The following NDOR1 variants were observed in gnomAD, a reference collection of about 807,000 sequenced individuals.
NDOR1 encodes the protein NADPH dependent diflavin oxidoreductase 1.
Under a neutral mutation model 67.2 loss-of-function variants are expected in NDOR1, and 61 were observed. The ratio of observed to expected loss-of-function variants is 0.91; its 90% CI spans 0.74 to 1.12. The LOEUF (loss-of-function observed/expected upper bound fraction) is 1.12. Ranked by LOEUF, NDOR1 falls within the 50% of genes most tolerant of loss-of-function variation. NDOR1 has a pLI of 0.00. For synonymous variants in NDOR1, 378 were observed against 343.7 expected (o/e 1.10, Z -1.10); for missense variants, 878 against 802.8 (o/e 1.09, Z -1.13).
At chr9:137,215,560 T>G (rs754775107) in intron 10 of NDOR1, 39 bp downstream of exon 10, 1 of 1,610,608 alleles carries the variant, frequency 6.2e-7, no homozygotes, top group East Asian at 2.2e-5. Flanking sequence ...TGGGCCCATA[T>G]CCCCTTCTCT....
chr9:137,209,668 G>A (rs1025747687), intron 2 of NDOR1, among the ~76,000 whole-genome samples: 6 of 152,200 alleles, frequency 3.9e-5, no homozygotes, highest in Admixed American at 3.3e-4. Context: ...CATCCACAGC[G>A]AAACAGGAAG....
intron 2 of NDOR1, among the ~76,000 whole-genome samples, chr9:137,207,718 G>C (rs1449272996): frequency 6.6e-6 from 1 of 152,182 alleles, no homozygotes; most frequent in African/African-American, 2.4e-5. Context: ...GCCTGAGAGG[G>C]ATCCATGGGA....
chr9:137,208,422 G>C (rs1477940867), intron 2 of NDOR1, among the ~76,000 whole-genome samples: 1 of 152,108 alleles, frequency 6.6e-6, no homozygotes, highest in African/African-American at 2.4e-5. Context: ...CTGCACTCCA[G>C]CCTGGGCGAC....
intron 10 of NDOR1, 62 bp from the exon 11 acceptor site, chr9:137,215,597 G>A (rs1835529778): frequency 6.2e-7 from 1 of 1,604,112 alleles, no homozygotes; most frequent in Non-Finnish European, 8.5e-7. Flanking sequence ...TGCTGGGCTA[G>A]GGCCCCAGCA....
chr9:137,214,043 C>G lies in NDOR1; in HGVS notation c.487C>G (p.Leu163Val). 1.3e-6 allele frequency: 2 copies of G among 1,544,324 alleles called. No homozygotes were observed. The highest frequency in any genetic ancestry group is 8.7e-7 in the Non-Finnish European group (1 of 1,147,908). ...VLGLYPPPPG[L>V]TEIPPGVPLP... ...GGGGCTGTACCCGCCGCCTCCGGGCCTCACTGAGATCCCTCCCGGAGTCCC... is the reference window on the plus strand; with the variant it reads ...GGGGCTGTACCCGCCGCCTCCGGGCGTCACTGAGATCCCTCCCGGAGTCCC... Residue 163 changes from leucine to valine, a missense_variant, in exon 5 of 14, where the codon CTC (leucine) becomes GTC (valine). Leu to Val is a conservative substitution (Grantham distance 32). Coordinates refer to ENST00000684003, the MANE Select transcript of NDOR1 (RefSeq NM_014434.4).
Position 137,216,142 on chromosome 9 carries a change from G to A in NDOR1, c.1603G>A (p.Val535Met), listed in dbSNP as rs764812385. The A allele has an allele frequency of 9.9e-6, 16 of 1,613,634 alleles. No homozygotes were observed. Among genetic ancestry groups the A allele is most frequent in the Admixed American group, 1.7e-5 (1 of 60,036 alleles). ...QHRLRELGSL[V>M]WELLDRQGAY... ...CCGGCTCCGGGAGCTGGGGTCGCTT[G>A]TGTGGGAACTGCTGGACCGCCAGGG... The change falls in exon 13 of 14, where the codon GTG becomes ATG. Residue 535 changes from valine to methionine, a missense_variant. Coordinates refer to ENST00000684003, the MANE Select transcript of NDOR1 (RefSeq NM_014434.4).
rs901067414 is a variant in NDOR1 at position 137,206,216 on chromosome 9, G to C, written c.136-16G>C. The C allele has an allele frequency of 3.1e-6, 5 of 1,613,996 alleles. No individual in the cohort carries two copies. Among genetic ancestry groups the C allele is most frequent in the Non-Finnish European group, 4.2e-6 (5 of 1,179,964 alleles). On this transcript the variant is annotated splice_polypyrimidine_tract_variant and intron_variant, in intron 1 of 13. Transcript: ENST00000684003. Reference sequence around the variant, plus strand: ...TTACAGCCGGAGGTCTTACGTGTGTGTGTCTTTTTGTTGAGGTGAATCTGA... The same window carrying C: ...TTACAGCCGGAGGTCTTACGTGTGTCTGTCTTTTTGTTGAGGTGAATCTGA...
At position 137,214,442 on chromosome 9, in the gene NDOR1, A is replaced by G. The variant is rs371399787; in HGVS notation, c.722+29A>G. 2.3e-5 allele frequency: 36 copies of G among 1,590,400 alleles called. No homozygotes were observed. In the African/African-American group the frequency reaches 4.7e-4, roughly 21 times the overall value. On this transcript the variant is annotated intron_variant, in intron 6 of 13. Coordinates refer to ENST00000684003, the MANE Select transcript of NDOR1 (RefSeq NM_014434.4). ...GGGACTGCTGGGGACCGAGGAGGGCAAGGTGAGGTGGGCCGTGGGTCTGGG... is the reference window on the plus strand; with the variant it reads ...GGGACTGCTGGGGACCGAGGAGGGCGAGGTGAGGTGGGCCGTGGGTCTGGG...
chr9:137,206,665 G>A (rs969037602), intron 2 of NDOR1, among the ~76,000 whole-genome samples: 4 of 152,116 alleles, frequency 2.6e-5, no homozygotes, highest in African/African-American at 9.7e-5. Flanking sequence ...GCACAGTCTG[G>A]TGCTGGGGAT....
intron 2 of NDOR1, among the ~76,000 whole-genome samples, chr9:137,208,430 G>A (rs1444093480): frequency 6.6e-6 from 1 of 151,828 alleles, no homozygotes; most frequent in Non-Finnish European, 1.5e-5. Flanking sequence ...CAGCCTGGGC[G>A]ACAGAGCGAG....
In NDOR1 at chr9:137,216,347, C is replaced by T. The variant is rs747138314; in HGVS notation, c.1725C>T (p.Ser575=). 7 of 1,610,016 alleles carry T rather than the reference C, an allele frequency of 4.3e-6. No homozygotes were observed. The highest frequency in any genetic ancestry group is 5.1e-6 in the Non-Finnish European group (6 of 1,179,972). The change falls in exon 14 of 14, where the codon AGC becomes AGT. Residue 575 remains serine (S), a synonymous_variant. Transcript: ENST00000684003. The stretch of plus-strand genomic sequence containing the variant: ...TCCAGGAGGAGGGTGGACTCTGCAG[C>T]CCGGACGCAGCCGCGTATCTAGCCA... The part of the protein sequence containing the change: ...SIFQEEGGLC[S]PDAAAYLARL...
Position 137,218,970 on chromosome 9 carries a change from C to G in NDOR1, c.*2554C>G, listed in dbSNP as rs144686633. 5.4e-3 allele frequency: 1,236 copies of G among 229,146 alleles called. 14 individuals carry two copies. The highest frequency in any genetic ancestry group is 0.026 in the African/African-American group (1,149 of 44,374). 14.2% of individuals were successfully genotyped at this position (229,146 alleles called of 1,614,324 possible). On this transcript the variant is annotated 3_prime_UTR_variant, in exon 14 of 14. Transcript: ENST00000684003. ...GCTGACGCCGGCCACACTTCCCCTC[C>G]GAGGGCCAGCTGAGCACAGCAGGCA...
intron 8 of NDOR1, 37 bp downstream of exon 8, chr9:137,215,055 A>ACAGCCACGCTG (rs1835481201): frequency 6.2e-7 from 1 of 1,612,588 alleles, no homozygotes; most frequent in South Asian, 1.1e-5. Flanking sequence ...CCCCTGAGCT[A>ACAGCCACGCTG]CAGCCACGCT....
In NDOR1 at chr9:137,208,406, G is replaced by A. The variant is rs1404003755; in HGVS notation, c.213+2097G>A. Among the ~76,000 whole-genome samples, 10 of 152,102 alleles carry A rather than the reference G, an allele frequency of 6.6e-5. No homozygotes were observed. In the East Asian group the frequency reaches 9.7e-4, roughly 15 times the overall value. ...GCGGAACTTGCAGTGAGCCGAGATC[G>A]CGCCACTGCACTCCAGCCTGGGCGA... On this transcript the variant is annotated intron_variant, in intron 2 of 13. Transcript: ENST00000684003.
In NDOR1 at chr9:137,212,620, T is replaced by C. The variant is rs368620084; in HGVS notation, c.311+21T>C. The C allele has an allele frequency of 6.3e-7, 1 of 1,599,270 alleles. No individual in the cohort carries two copies. Among genetic ancestry groups the C allele is most frequent in the South Asian group, 1.1e-5 (1 of 90,772 alleles). On this transcript the variant is annotated intron_variant, in intron 3 of 13. Coordinates refer to ENST00000684003, the MANE Select transcript of NDOR1 (RefSeq NM_014434.4). This position sits in a 1 kb window ranked among gnomAD's most constrained non-coding sequence, Gnocchi z 4.3. ...GCCAAGTGAGTAGGGGATGGGACAG[T>C]GGGCGGACGGAACAGTTCTGGGGGT...
Position 137,216,535 on chromosome 9 carries a change from G to GA in NDOR1, c.*119_*120insA. The GA allele has an allele frequency of 7.5e-7, 1 of 1,328,812 alleles. No individual in the cohort carries two copies. The highest frequency in any genetic ancestry group is 1.0e-6 in the Non-Finnish European group (1 of 991,792). 82.3% of individuals were successfully genotyped at this position (1,328,812 alleles called of 1,614,324 possible). On this transcript the variant is annotated 3_prime_UTR_variant, in exon 14 of 14. Coordinates refer to ENST00000684003, the MANE Select transcript of NDOR1 (RefSeq NM_014434.4). ...TCTCGGACCAGCCAGCTGGTCCTCTGGGAACAGCCAGCTCCCGAGCACAGC... is the reference window on the plus strand; with the variant it reads ...TCTCGGACCAGCCAGCTGGTCCTCTGAGGAACAGCCAGCTCCCGAGCACAGC...
intron 2 of NDOR1, among the ~76,000 whole-genome samples, chr9:137,210,659 A>G (rs1054680797): frequency 1.3e-5 from 2 of 152,104 alleles, no homozygotes; most frequent in Non-Finnish European, 2.9e-5. Context: ...CCTGGGCAAC[A>G]TGACGAAACC....
chr9:137,206,960 G>A (rs1475367346), intron 2 of NDOR1, among the ~76,000 whole-genome samples: 1 of 152,070 alleles, frequency 6.6e-6, no homozygotes, highest in African/African-American at 2.4e-5. Context: ...AAGATGATTT[G>A]GTTTGTGTGA....
At chr9:137,213,450 G>A (rs1052411464) in intron 3 of NDOR1, among the ~76,000 whole-genome samples, 4 of 152,168 alleles carry the variant, frequency 2.6e-5, no homozygotes, top group Admixed American at 2.0e-4. Flanking sequence ...CTGGGGGCCT[G>A]GAGGCCTCAG....
Sources: allele counts gnomAD v4.1 joint callset (sites outside exome capture counted in the v4.1 genomes callset), GRCh38; gene constraint gnomAD v4.1.1; non-coding constraint Gnocchi (gnomAD v3.1); transcripts MANE v1.5; gene names NCBI Gene and HGNC (gene_info 2026-07-23, HGNC 2026-07-21).